Variants in PDE1C observed in about 807,000 individuals in gnomAD.
The protein encoded by PDE1C is phosphodiesterase 1C.
PDE1C carries 62 observed loss-of-function variants against 93.1 expected under a neutral mutation model. The observed-to-expected ratio is 0.67, with a 90% CI of 0.54 to 0.82. The LOEUF is 0.82. PDE1C is among the 40% of genes least tolerant of loss of function. PDE1C has a pLI of 0.00. For synonymous variants in PDE1C, 325 were observed against 310.1 expected (o/e 1.05, Z -0.50); for missense variants, 742 against 884.6 (o/e 0.84, Z 2.04).
At chr7:31,830,895 ATGAG>A (rs1790299556) in intron 11 of PDE1C, among the ~76,000 whole-genome samples, 1 of 152,198 alleles carries the variant, frequency 6.6e-6, no homozygotes, top group Admixed American at 6.5e-5. Flanking sequence ...ATCAAGAAAC[ATGAG>A]TCCTATACTG....
chr7:32,132,523 G>A (rs768838696), intron 3 of PDE1C, among the ~76,000 whole-genome samples: 26 of 152,016 alleles, frequency 1.7e-4, no homozygotes, highest in Non-Finnish European at 3.1e-4. Context: ...AAAATTAGCC[G>A]GGTGTGGTGG....
chr7:31,890,859 G>T (rs1040764724), intron 2 of PDE1C, among the ~76,000 whole-genome samples: 1 of 152,172 alleles, frequency 6.6e-6, no homozygotes. Flanking sequence ...CCTCTAAGGT[G>T]ACCTGAGGCT....
intron 2 of PDE1C, among the ~76,000 whole-genome samples, chr7:32,187,453 A>G (rs535510924): frequency 6.6e-6 from 1 of 152,182 alleles, no homozygotes; most frequent in African/African-American, 2.4e-5. Context: ...ACTTTTACTA[A>G]TATTATGTGA....
chr7:31,786,642 C>T (rs1173390379), intron 16 of PDE1C: 1 of 152,126 alleles, frequency 6.6e-6, no homozygotes, highest in East Asian at 1.9e-4. Context: ...GGTGTGTGGG[C>T]ATCTCAGGAT....
At chr7:32,196,289 A>G (rs1195813471) in intron 2 of PDE1C, among the ~76,000 whole-genome samples, 1 of 152,034 alleles carries the variant, frequency 6.6e-6, no homozygotes, top group Non-Finnish European at 1.5e-5. Flanking sequence ...TGATGTTTGG[A>G]GGGAGTAGAG....
chr7:32,403,934 G>T (rs405221), intron 1 of PDE1C, among the ~76,000 whole-genome samples: 129,022 of 152,114 alleles, frequency 0.85, 57,039 homozygotes, highest in East Asian at 0.99. Flanking sequence ...TAAGGACACA[G>T]GAAATCACAA....
chr7:32,163,774 C>T (rs778677609), intron 3 of PDE1C, among the ~76,000 whole-genome samples: 7 of 152,190 alleles, frequency 4.6e-5, no homozygotes, highest in Non-Finnish European at 1.5e-5. Flanking sequence ...CCACAGCCAG[C>T]ATCACTCACA....
intron 16 of PDE1C, among the ~76,000 whole-genome samples, chr7:31,795,018 T>C (rs1785106571): frequency 6.6e-6 from 1 of 151,964 alleles, no homozygotes; most frequent in Non-Finnish European, 1.5e-5. Flanking sequence ...AAATAGCATA[T>C]ATTGCAGCGG....
intron 6 of PDE1C, among the ~76,000 whole-genome samples, chr7:31,869,076 C>A (rs1339024441): frequency 6.6e-6 from 1 of 152,010 alleles, no homozygotes; most frequent in Non-Finnish European, 1.5e-5. Flanking sequence ...GAAACAACAT[C>A]TACCATCATG....
intron 2 of PDE1C, among the ~76,000 whole-genome samples, chr7:31,955,176 C>G (rs944122882): frequency 6.6e-6 from 1 of 152,118 alleles, no homozygotes; most frequent in South Asian, 2.1e-4. Flanking sequence ...ACAGTGTGAT[C>G]GGATGTAGGG....
intron 2 of PDE1C, among the ~76,000 whole-genome samples, chr7:32,195,333 T>A (rs1433316423): frequency 6.6e-6 from 1 of 152,194 alleles, no homozygotes; most frequent in East Asian, 1.9e-4. Flanking sequence ...AATTCTTAGT[T>A]TTCCTTCATT....
At chr7:31,943,302 C>G (rs181838636) in intron 2 of PDE1C, among the ~76,000 whole-genome samples, 144 of 152,236 alleles carry the variant, frequency 9.5e-4, no homozygotes, top group Admixed American at 2.5e-3. Flanking sequence ...AGGTATAGCC[C>G]AGGGAGGCTC....
At chr7:32,278,127 C>CAA (rs10626490) in intron 1 of PDE1C, among the ~76,000 whole-genome samples, 104,930 of 135,858 alleles carry the variant, frequency 0.77, 41,249 homozygotes, top group South Asian at 0.87. Context: ...AACGAGTTGC[C>CAA]AAAAAAAAAA....
At chr7:31,962,040 T>C (rs537878922) in intron 2 of PDE1C, among the ~76,000 whole-genome samples, 1 of 152,328 alleles carries the variant, frequency 6.6e-6, no homozygotes, top group South Asian at 2.1e-4. Context: ...TGGTATACTG[T>C]TATCTATCTA....
In PDE1C at chr7:32,374,252, A is replaced by AAAGG. The variant is rs534413253; in HGVS notation, c.310+53566_310+53569dup. 1.9e-4 allele frequency among the ~76,000 whole-genome samples: 24 copies of AAAGG among 128,756 alleles called. No homozygotes were observed. The East Asian group carries it at 4.8e-3, about 26-fold the overall frequency. 84.5% of individuals were successfully genotyped at this position (128,756 alleles called of 152,430 possible). On this transcript the variant is annotated intron_variant, in intron 1 of 1. Coordinates refer to the PDE1C transcript ENST00000672256. Reference sequence around the variant, plus strand: ...AGAAAAAGAAAGAAGGAAGGAAAGGAAAGGAAGAAAGAAAGAAAGAAAGAA... The same window carrying AAAGG: ...AGAAAAAGAAAGAAGGAAGGAAAGGAAAGGAAGGAAGAAAGAAAGAAAGAAAGAA...
At chr7:31,789,851 T>C in intron 16 of PDE1C, 5 of 1,020,838 alleles carry the variant, frequency 4.9e-6, no homozygotes, top group Non-Finnish European at 5.9e-6. Flanking sequence ...TTACTGTGTG[T>C]GTGGCTTTTT....
the PDE1C span, chr7:31,643,968 T>C: frequency 1.9e-6 from 3 of 1,582,132 alleles, no homozygotes; most frequent in South Asian, 3.5e-5. Context: ...GTGTTCACCC[T>C]GGCAAAGATG....
At chr7:31,653,677 T>C in the PDE1C span, 1 of 152,252 alleles carries the variant, frequency 6.6e-6, no homozygotes, top group Non-Finnish European at 1.5e-5. Flanking sequence ...GCAGATTGCC[T>C]GATGCAGCTC....
At position 31,753,544 on chromosome 7, in the gene PDE1C, G is replaced by A; in HGVS notation, c.1970C>T (p.Pro657Leu). 1 of 1,609,228 alleles carries A rather than the reference G, an allele frequency of 6.2e-7. No homozygotes were observed. The highest frequency in any genetic ancestry group is 8.5e-7 in the Non-Finnish European group (1 of 1,178,268). ...TCRLTLPVIK[P>L]PLRHFKRPAY... is the part of the protein sequence containing the mutation. ...AGGGCGTTTAAAATGACGCAAAGGA[G>A]GCTTGATGACTGGCGGCCATGGAAA... is the stretch of plus-strand genomic sequence containing the variant. Residue 657 changes from proline to leucine, a missense_variant, in exon 18 of 18, where the codon CCT becomes CTT. Around this residue, in one of 4 missense-constraint regions of PDE1C, gnomAD observed 454 missense variants for 459.4 expected, o/e 0.99. Coordinates refer to ENST00000396191, the MANE Select transcript of PDE1C (RefSeq NM_001191057.4).
Sources: allele counts gnomAD v4.1 joint callset (sites outside exome capture counted in the v4.1 genomes callset), GRCh38; gene constraint gnomAD v4.1.1; regional missense constraint gnomAD v4.1.1; transcripts MANE v1.5; gene names NCBI Gene and HGNC (gene_info 2026-07-23, HGNC 2026-07-21).